Variants in DNAH3 observed in about 807,000 individuals in gnomAD.
The protein encoded by DNAH3 is dynein axonemal heavy chain 3, also known as axonemal beta dynein heavy chain 3.
DNAH3 carries 332 observed loss-of-function variants against 432.5 expected under a neutral mutation model. That is an observed-to-expected ratio of 0.77 (90% confidence interval 0.70 to 0.84). The LOEUF is 0.84. DNAH3 is among the 40% of genes least tolerant of loss of function. DNAH3 has a pLI of 0.00. For synonymous variants in DNAH3, 1,956 were observed against 1,900.2 expected (o/e 1.03, Z -0.76); for missense variants, 4,861 against 5,114.0 (o/e 0.95, Z 1.51).
chr16:21,067,363 A>G (rs547818598), exon 24 of DNAH3: 2 of 1,614,008 alleles, frequency 1.2e-6, no homozygotes, highest in African/African-American at 2.7e-5. Flanking sequence ...TGGCTTCTTG[A>G]AGCTTCTCTG....
intron 2 of DNAH3, 99 bp downstream of exon 3, chr16:21,145,885 C>T: frequency 1.2e-6 from 1 of 812,628 alleles, no homozygotes; most frequent in South Asian, 1.4e-5. Flanking sequence ...CTGTTTGACT[C>T]TCCACCCTCA....
At chr16:21,152,889 T>C (rs1476545470) in intron 1 of DNAH3, among the ~76,000 whole-genome samples, 1 of 152,220 alleles carries the variant, frequency 6.6e-6, no homozygotes. Context: ...ACCCCCTCCG[T>C]GGGCTCCTGT....
exon 51 of DNAH3, chr16:20,975,261 A>G (rs2152647435): frequency 1.2e-6 from 2 of 1,613,952 alleles, no homozygotes; most frequent in Non-Finnish European, 1.7e-6. Context: ...GGCAGCAGCA[A>G]CATTGGCTTC....
chr16:21,056,439 T>TGCCTCCCTCCCTTCCC (rs1173109715), intron 27 of DNAH3, among the ~76,000 whole-genome samples: 4 of 118,998 alleles, frequency 3.4e-5, no homozygotes, highest in Admixed American at 1.0e-4. Context: ...CCTCCCTCCC[T>TGCCTCCCTCCCTTCCC]GCCTCCCTCC....
At chr16:21,018,772 G>A (rs909418358) in intron 41 of DNAH3, among the ~76,000 whole-genome samples, 8 of 151,992 alleles carry the variant, frequency 5.3e-5, no homozygotes, top group African/African-American at 1.9e-4. Context: ...GTGCATGCCT[G>A]TAATCCCAAC....
chr16:21,159,363 T>A lies in DNAH3; in HGVS notation c.79A>T (p.Arg27Trp), dbSNP rs945709688. 1.2e-6 allele frequency: 2 copies of A among 1,614,162 alleles called. No individual in the cohort carries two copies. The highest frequency in any genetic ancestry group is 8.5e-7 in the Non-Finnish European group (1 of 1,180,026). ...CCTTCCTCCTCTCCTTGGGTCTCCC[T>A]GGCTTTTGAACGCTGAAAGGCTGGG... is the stretch of plus-strand genomic sequence containing the variant. The change falls in exon 1 of 62, where the codon AGG becomes TGG. Residue 27 changes from arginine (R) to tryptophan (W), a missense_variant. Coordinates refer to ENST00000261383, the Ensembl canonical transcript of DNAH3.
chr16:20,949,075 A>C (rs576471529), intron 56 of DNAH3, among the ~76,000 whole-genome samples: 1 of 152,094 alleles, frequency 6.6e-6, no homozygotes, highest in South Asian at 2.1e-4. Context: ...CCCCACATTT[A>C]CCATCTTCCA....
At chr16:21,015,297 T>A (rs570813702) in intron 41 of DNAH3, among the ~76,000 whole-genome samples, 105 of 152,276 alleles carry the variant, frequency 6.9e-4, no homozygotes, top group Admixed American at 1.4e-3. Context: ...AATAAGGCAG[T>A]CTAAAAATTT....
At chr16:21,112,943 C>T (rs951847622) in intron 12 of DNAH3, among the ~76,000 whole-genome samples, 9 of 152,146 alleles carry the variant, frequency 5.9e-5, no homozygotes, top group Non-Finnish European at 1.2e-4. Flanking sequence ...TTACCCAATA[C>T]CTGTACCCCC....
chr16:21,131,359 A>G (rs1012981097), intron 7 of DNAH3, among the ~76,000 whole-genome samples: 16 of 151,752 alleles, frequency 1.1e-4, no homozygotes. Flanking sequence ...CAAGAAAGAA[A>G]CAGGGTCACA....
chr16:21,057,263 A>T (rs1198695358), intron 27 of DNAH3, among the ~76,000 whole-genome samples: 2 of 152,198 alleles, frequency 1.3e-5, no homozygotes, highest in Admixed American at 6.5e-5. Flanking sequence ...AAATAGAAAA[A>T]GTTTAAAAAC....
chr16:21,153,006 C>A (rs2092872519), intron 1 of DNAH3, among the ~76,000 whole-genome samples: 2 of 152,236 alleles, frequency 1.3e-5, no homozygotes, highest in South Asian at 4.1e-4. Context: ...GACTGGCAGG[C>A]AGCTCCACCT....
At chr16:21,062,745 T>C (rs1347918046) in intron 24 of DNAH3, 62 bp from the exon 25 acceptor site, 1 of 1,374,992 alleles carries the variant, frequency 7.3e-7, no homozygotes, top group Non-Finnish European at 1.0e-6. Context: ...TCTAGCAAGG[T>C]GATACTTTCT....
rs201903909 is a variant in DNAH3 at position 21,104,581 on chromosome 16, T to C, written c.2285-29A>G. ...GCCAGAGGAACAGAGTGCTGTTCAA[T>C]TTGATGTCCTCATCTGCAAAACACA... is the stretch of plus-strand genomic sequence containing the variant. On this transcript the variant is annotated intron_variant, in intron 15 of 61. Coordinates refer to ENST00000261383, the Ensembl canonical transcript of DNAH3. 2.2e-4 allele frequency: 353 copies of C among 1,590,886 alleles called. 2 individuals are homozygous for C. In the East Asian group the frequency reaches 7.8e-3, roughly 35 times the overall value.
Position 21,034,910 on chromosome 16 carries a change from T to C in DNAH3, c.5086-825A>G, listed in dbSNP as rs180733133. On this transcript the variant is annotated intron_variant, in intron 35 of 61. Coordinates refer to ENST00000261383, the Ensembl canonical transcript of DNAH3. ...CAAATCCCTAACCATTAAGTAGGGT[T>C]GACATTCAGGTAGGTTTGAAAGCTA... 2.2e-3 allele frequency among the ~76,000 whole-genome samples: 336 copies of C among 152,306 alleles called. 1 individual carries two copies. Among genetic ancestry groups the C allele is most frequent in the African/African-American group, 8.0e-3 (331 of 41,568 alleles).
chr16:21,067,768 G>GGGGGA (rs1567732519), intron 23 of DNAH3, among the ~76,000 whole-genome samples: 1 of 26,306 alleles, frequency 3.8e-5, no homozygotes, highest in Non-Finnish European at 6.9e-5. Flanking sequence ...GGGGGGGGGG[G>GGGGGA]TGGGGAGGGA....
chr16:21,105,390 CCTGA>C (rs1272141498), intron 15 of DNAH3, among the ~76,000 whole-genome samples: 1 of 152,146 alleles, frequency 6.6e-6, no homozygotes, highest in Non-Finnish European at 1.5e-5. Flanking sequence ...TTCAAGGAGC[CCTGA>C]CTATTTTTTT....
At chr16:21,143,710 T>C (rs1350587667) in intron 3 of DNAH3, among the ~76,000 whole-genome samples, 1 of 152,210 alleles carries the variant, frequency 6.6e-6, no homozygotes, top group Non-Finnish European at 1.5e-5. Context: ...TCCTAGAGAC[T>C]GTGGGTGTGT....
intron 49 of DNAH3, among the ~76,000 whole-genome samples, chr16:20,980,722 T>G (rs2085859193): frequency 6.6e-6 from 1 of 152,104 alleles, no homozygotes; most frequent in Admixed American, 6.6e-5. Flanking sequence ...AACACAGAAT[T>G]ACCATGGAAA....
Sources: gnomAD v4.1 joint callset for allele counts (sites outside exome capture counted in the v4.1 genomes callset) on GRCh38, gnomAD v4.1.1 for gene constraint, MANE v1.5 for transcripts, NCBI Gene and HGNC (gene_info 2026-07-23, HGNC 2026-07-21) for gene names.